NECAB1: variants seen among roughly 807,000 people sequenced by gnomAD.
The protein encoded by NECAB1 is N-terminal EF-hand calcium-binding protein 1.
A neutral mutation model predicts 57.5 loss-of-function variants in NECAB1; 29 were observed. The ratio of observed to expected loss-of-function variants is 0.50; its 90% CI spans 0.38 to 0.69. NECAB1 has a LOEUF of 0.69. Ranked by LOEUF, NECAB1 falls within the 30% of genes least tolerant of loss-of-function variation. The pLI is 0.00. For synonymous variants in NECAB1, 142 were observed against 147.7 expected (o/e 0.96, Z 0.28); for missense variants, 372 against 413.8 (o/e 0.90, Z 0.88).
intron 6 of NECAB1, among the ~76,000 whole-genome samples, chr8:90,918,486 G>A (rs1391862955): frequency 2.0e-5 from 3 of 152,098 alleles, no homozygotes; most frequent in South Asian, 4.2e-4. Flanking sequence ...AATAAATACC[G>A]TAGAGAAGAG....
chr8:90,860,526 A>G (rs535908886), intron 3 of NECAB1, among the ~76,000 whole-genome samples: 1 of 152,194 alleles, frequency 6.6e-6, no homozygotes, highest in East Asian at 1.9e-4. Flanking sequence ...ATGCTGTAGA[A>G]CCTGAGGGTT....
At chr8:90,919,754 T>C (rs185418435) in intron 6 of NECAB1, among the ~76,000 whole-genome samples, 1 of 152,322 alleles carries the variant, frequency 6.6e-6, no homozygotes, top group African/African-American at 2.4e-5. Flanking sequence ...TGAGGCCTCC[T>C]GTGTTGTTTC....
chr8:90,927,610 TAC>T (rs71560287), intron 7 of NECAB1, among the ~76,000 whole-genome samples: 17,348 of 143,564 alleles, frequency 0.12, 2,688 homozygotes, highest in African/African-American at 0.36. Context: ...TGGTGCTAGA[TAC>T]ACACACACAC....
intron 12 of NECAB1, among the ~76,000 whole-genome samples, chr8:90,952,192 C>T (rs182609589): frequency 2.7e-5 from 4 of 149,818 alleles, no homozygotes; most frequent in Admixed American, 6.7e-5. Context: ...AGAGATTAAC[C>T]AATTAGGGCA....
Position 90,959,061 on chromosome 8 carries a change from AATTG to A in NECAB1, c.*3555_*3558del. ...ATATAAAAGAAAAAGTTAATTTATC[AATTG>A]ATTGAATACAGTTTTTACTAATTAG... On this transcript the variant is annotated 3_prime_UTR_variant, in exon 13 of 13. Coordinates refer to ENST00000417640, the MANE Select transcript of NECAB1 (RefSeq NM_022351.5). 3.9e-6 allele frequency: 4 copies of A among 1,028,254 alleles called. No homozygotes were observed. The highest frequency in any genetic ancestry group is 5.4e-4 in the Middle Eastern group (2 of 3,704). The allele number at this position is 1,028,254 out of a possible 1,614,324, so 63.7% of individuals were successfully genotyped here. A position where few individuals can be genotyped will look rare whatever the true frequency, so the allele number is the denominator to read the frequency against.
chr8:90,885,309 C>G (rs757858403), intron 5 of NECAB1, among the ~76,000 whole-genome samples: 1 of 152,124 alleles, frequency 6.6e-6, no homozygotes, highest in Admixed American at 6.5e-5. Context: ...TGCACTGGCA[C>G]CTACCTGGCA....
chr8:90,906,282 G>C (rs1182691417), intron 5 of NECAB1, among the ~76,000 whole-genome samples: 1 of 152,164 alleles, frequency 6.6e-6, no homozygotes, highest in Non-Finnish European at 1.5e-5. Context: ...TGAGTGGACT[G>C]AATCTTGATT....
intron 9 of NECAB1, among the ~76,000 whole-genome samples, chr8:90,937,873 T>G (rs946370299): frequency 6.6e-6 from 1 of 152,186 alleles, no homozygotes; most frequent in African/African-American, 2.4e-5. Flanking sequence ...CATTCCATTC[T>G]GCCATACATT....
Position 90,928,251 on chromosome 8 carries a change from G to A in NECAB1, c.645G>A (p.Met215Ile). The change falls in exon 8 of 13, where the codon ATG (methionine) becomes ATA (isoleucine). Residue 215 changes from methionine (M) to isoleucine (I), a missense_variant. Transcript: ENST00000417640. ...TATTAGAAGAAGACAACCAGTGGATGACCCAGATAAATAGACTCCAGAAAT... is the reference window on the plus strand; with the variant it reads ...TATTAGAAGAAGACAACCAGTGGATAACCCAGATAAATAGACTCCAGAAAT... The part of the protein sequence containing the change: ...PGLLEEDNQW[M>I]TQINRLQKLI... 6.2e-7 allele frequency: 1 copy of A among 1,610,062 alleles called. No individual in the cohort carries two copies. The highest frequency in any genetic ancestry group is 8.5e-7 in the Non-Finnish European group (1 of 1,178,244).
intron 4 of NECAB1, among the ~76,000 whole-genome samples, chr8:90,879,924 C>T (rs1361102857): frequency 6.6e-6 from 1 of 152,070 alleles, no homozygotes; most frequent in Admixed American, 6.5e-5. Flanking sequence ...TTGTTTTTAA[C>T]CTAAGTGTAT....
At chr8:90,836,064 G>T (rs956396039) in intron 3 of NECAB1, among the ~76,000 whole-genome samples, 3 of 152,120 alleles carry the variant, frequency 2.0e-5, no homozygotes, top group African/African-American at 7.2e-5. Context: ...TATTAAAATA[G>T]TTCTCTACTC....
At chr8:90,853,191 A>T (rs1414335313) in intron 3 of NECAB1, among the ~76,000 whole-genome samples, 1 of 152,224 alleles carries the variant, frequency 6.6e-6, no homozygotes, top group African/African-American at 2.4e-5. Context: ...GGTGGAGTGC[A>T]GCGGGTCTGA....
chr8:90,896,632 CA>C (rs754656720), intron 5 of NECAB1, among the ~76,000 whole-genome samples: 56 of 151,508 alleles, frequency 3.7e-4, no homozygotes, highest in African/African-American at 1.3e-3. Context: ...AAAACAAAAA[CA>C]AAAAAAACAA....
chr8:90,936,842 A>G (rs1810551189), intron 9 of NECAB1, among the ~76,000 whole-genome samples: 1 of 151,862 alleles, frequency 6.6e-6, no homozygotes, highest in Non-Finnish European at 1.5e-5. Flanking sequence ...GAGATGTAAC[A>G]CTTATTTAGT....
At chr8:90,854,874 C>T (rs1488033776) in intron 3 of NECAB1, among the ~76,000 whole-genome samples, 1 of 152,184 alleles carries the variant, frequency 6.6e-6, no homozygotes, top group Admixed American at 6.5e-5. Flanking sequence ...GCAAATACTC[C>T]TTGGGGACAC....
chr8:90,834,418 C>T (rs1812338130), intron 3 of NECAB1, among the ~76,000 whole-genome samples: 1 of 152,062 alleles, frequency 6.6e-6, no homozygotes, highest in African/African-American at 2.4e-5. Context: ...AGGATTCCAC[C>T]CTCATGAATG....
intron 5 of NECAB1, among the ~76,000 whole-genome samples, chr8:90,881,964 C>T (rs1052037517): frequency 6.6e-6 from 1 of 152,100 alleles, no homozygotes; most frequent in African/African-American, 2.4e-5. Flanking sequence ...GGTCACAGGA[C>T]ACTCTAGGAA....
intron 5 of NECAB1, among the ~76,000 whole-genome samples, chr8:90,911,612 T>A (rs988733731): frequency 6.6e-6 from 1 of 152,112 alleles, no homozygotes; most frequent in African/African-American, 2.4e-5. Context: ...AGGTGTACAT[T>A]TTTGAATAAG....
At chr8:90,800,241 C>A (rs900819609) in intron 1 of NECAB1, among the ~76,000 whole-genome samples, 5 of 152,092 alleles carry the variant, frequency 3.3e-5, no homozygotes, top group African/African-American at 1.2e-4. Flanking sequence ...AAGATTATAT[C>A]GTCAGTGAAG....
Sources: gnomAD v4.1 joint callset for allele counts (sites outside exome capture counted in the v4.1 genomes callset) on GRCh38, gnomAD v4.1.1 for gene constraint, MANE v1.5 for transcripts, NCBI Gene and HGNC (gene_info 2026-07-23, HGNC 2026-07-21) for gene names.